THBS2: variants seen among roughly 807,000 people sequenced by gnomAD.
THBS2 encodes thrombospondin 2.
THBS2 carries 47 observed loss-of-function variants against 135.2 expected under a neutral mutation model. The observed-to-expected ratio is 0.35, with a 90% CI of 0.28 to 0.44. The LOEUF (loss-of-function observed/expected upper bound fraction) is 0.44. Among genes scored for constraint, THBS2 ranks in the 20% least tolerant of loss-of-function variants. The probability of loss-of-function intolerance (pLI) is 1.00; values close to 1 mark genes in which losing one functional copy is unlikely to be tolerated. For missense variants in THBS2, 1,288 were observed against 1,603.1 expected, an observed-to-expected ratio of 0.80 and a Z score of 3.36; for synonymous variants, 639 against 633.8, an observed-to-expected ratio of 1.01 and a Z score of -0.12.
intron 18 of THBS2, among the ~76,000 whole-genome samples, chr6:169,222,808 G>GAAAAAAAAGAA (rs1446376112): frequency 4.6e-5 from 5 of 108,954 alleles, no homozygotes; most frequent in Non-Finnish European, 9.8e-5. Context: ...AAAAAAAAAA[G>GAAAAAAAAGAA]AAAAAAAAGA....
intron 10 of THBS2, among the ~76,000 whole-genome samples, chr6:169,233,609 C>T (rs967357898): frequency 5.7e-5 from 8 of 139,964 alleles, no homozygotes; most frequent in South Asian, 4.9e-4. Flanking sequence ...CAAATACCTA[C>T]GTGCCATGTT....
chr6:169,219,545 C>A lies in THBS2; in HGVS notation c.3511+653G>T, dbSNP rs1779342514. On this transcript the variant is annotated intron_variant, in intron 21 of 21. Transcript: ENST00000617924. ...AAATCAACCCCAACAGGGTTTTGCC[C>A]TGTTGGCCAGGCTGGTCTCGAACTC... Among the ~76,000 whole-genome samples, 3 of 152,142 alleles carry A rather than the reference C, an allele frequency of 2.0e-5. No individual in the cohort carries two copies. In the South Asian group the frequency reaches 6.2e-4, roughly 31 times the overall value.
intron 18 of THBS2, among the ~76,000 whole-genome samples, chr6:169,222,941 A>G (rs1195608067): frequency 6.6e-6 from 1 of 152,146 alleles, no homozygotes; most frequent in Middle Eastern, 3.2e-3. Context: ...CCATGAGATT[A>G]GTGGAATTGA....
At chr6:169,225,040 T>A in intron 17 of THBS2, 105 bp downstream of exon 17, 1 of 1,165,576 alleles carries the variant, frequency 8.6e-7, no homozygotes, top group Non-Finnish European at 1.2e-6. Context: ...ATTGCCCTTT[T>A]TCCAGCAGCA....
chr6:169,233,844 A>G (rs1562358852), intron 10 of THBS2, among the ~76,000 whole-genome samples: 1 of 149,896 alleles, frequency 6.7e-6, no homozygotes, highest in Admixed American at 6.6e-5. Flanking sequence ...ACAACACACA[A>G]CTGCCCACAC....
intron 4 of THBS2, among the ~76,000 whole-genome samples, chr6:169,244,583 T>C (rs1360198533): frequency 7.2e-6 from 1 of 137,958 alleles, no homozygotes; most frequent in Non-Finnish European, 1.5e-5. Context: ...TCTATATTAG[T>C]GAAAATACAC....
intron 4 of THBS2, among the ~76,000 whole-genome samples, chr6:169,244,016 G>A (rs1299595122): frequency 6.6e-6 from 1 of 152,162 alleles, no homozygotes; most frequent in African/African-American, 2.4e-5. Flanking sequence ...TGTTGTGTTG[G>A]CAAAGATCTC....
In THBS2 at chr6:169,232,108, T is replaced by A. The variant is rs1415662169; in HGVS notation, c.2023A>T (p.Met675Leu). Residue 675 changes from methionine (M) to leucine (L), a missense_variant, in exon 13 of 22, where the codon ATG (methionine) becomes TTG (leucine). Transcript: ENST00000617924. ...CIYLGHFSDP[M>L]YKCECQTGYA... ...CCTGTCTGGCACTCGCACTTGTACA[T>A]GGGGTCGCTGAAGTGGCCCAGGTAG... The A allele has an allele frequency of 3.1e-6, 5 of 1,613,960 alleles. No homozygotes were observed. Among genetic ancestry groups the A allele is most frequent in the East Asian group, 2.2e-5 (1 of 44,886 alleles).
intron 1 of THBS2, among the ~76,000 whole-genome samples, chr6:169,251,037 C>T (rs371785724): frequency 3.4e-4 from 52 of 152,336 alleles, no homozygotes; most frequent in African/African-American, 1.2e-3. Context: ...CACTGCACAT[C>T]ACGTTCTAAA....
At chr6:169,236,840 A>G (rs1338487907) in intron 9 of THBS2, among the ~76,000 whole-genome samples, 2 of 145,108 alleles carry the variant, frequency 1.4e-5, no homozygotes, top group African/African-American at 2.6e-5. Flanking sequence ...CTCACTCCCC[A>G]TCCACACTCA....
intron 10 of THBS2, among the ~76,000 whole-genome samples, chr6:169,233,254 G>A (rs1266958446): frequency 1.3e-5 from 2 of 151,980 alleles, no homozygotes; most frequent in African/African-American, 2.4e-5. Context: ...TACACGCCAC[G>A]GGCCACACCA....
chr6:169,225,051 G>A, intron 17 of THBS2, 94 bp downstream of exon 17: 2 of 1,252,518 alleles, frequency 1.6e-6, no homozygotes, highest in Admixed American at 1.8e-5. Context: ...TCCAGCAGCA[G>A]ATTTAAGATG....
At chr6:169,222,721 G>T (rs2114975883) in intron 18 of THBS2, among the ~76,000 whole-genome samples, 1 of 151,674 alleles carries the variant, frequency 6.6e-6, no homozygotes, top group East Asian at 1.9e-4. Flanking sequence ...CTTGAACCGG[G>T]GAAAAAAGGT....
chr6:169,229,783 G>T, intron 13 of THBS2, 104 bp from the exon 14 acceptor site: 1 of 868,490 alleles, frequency 1.2e-6, no homozygotes, highest in Non-Finnish European at 1.8e-6. Flanking sequence ...AAGGAAGCGT[G>T]CCCCATCAGT....
chr6:169,242,650 CA>C lies in THBS2; in HGVS notation c.695-693del, dbSNP rs1471435625. Among the ~76,000 whole-genome samples, 243 of 52,854 alleles carry C rather than the reference CA, an allele frequency of 4.6e-3. 28 individuals carry two copies. In the Middle Eastern group the frequency reaches 0.048, roughly 11 times the overall value. 34.7% of individuals were successfully genotyped at this position (52,854 alleles called of 152,430 possible). ...CTTCCCACCACTCCCACCTTCCCAC[CA>C]CTCCCACCTTCCCACCACTCCCACC... is the stretch of plus-strand genomic sequence containing the variant. On this transcript the variant is annotated intron_variant, in intron 4 of 21. Transcript: ENST00000617924.
intron 18 of THBS2, 95 bp from the exon 19 acceptor site, chr6:169,222,563 G>T: frequency 7.3e-7 from 1 of 1,372,038 alleles, no homozygotes; most frequent in Non-Finnish European, 1.0e-6. Flanking sequence ...GAGAGGCCGA[G>T]GTGGGCAGAT....
At chr6:169,246,116 T>TACAC in intron 4 of THBS2, 81 bp downstream of exon 4, 1 of 1,148,618 alleles carries the variant, frequency 8.7e-7, no homozygotes, top group Non-Finnish European at 1.3e-6. Flanking sequence ...TGCACACACA[T>TACAC]ACACACACAC....
At chr6:169,228,012 T>C (rs1562356369) in intron 15 of THBS2, 110 bp downstream of exon 15, 1 of 1,339,702 alleles carries the variant, frequency 7.5e-7, no homozygotes, top group East Asian at 2.5e-5. Context: ...ACCCAAAAGG[T>C]GGAGATCGCA....
chr6:169,232,601 TCTGAGCTC>T, intron 12 of THBS2, 55 bp downstream of exon 12: 1 of 1,539,566 alleles, frequency 6.5e-7, no homozygotes, highest in East Asian at 2.3e-5. Flanking sequence ...CTGCTGCTTT[TCTGAGCTC>T]ATCTGATTTT....
Sources: allele counts gnomAD v4.1 joint callset (sites outside exome capture counted in the v4.1 genomes callset), GRCh38; gene constraint gnomAD v4.1.1; transcripts MANE v1.5; gene names NCBI Gene and HGNC (gene_info 2026-07-23, HGNC 2026-07-21).